Variants in ZNF804A observed in about 807,000 individuals in gnomAD.
The protein encoded by ZNF804A is zinc finger protein 804A.
ZNF804A carries 2 observed loss-of-function variants against 16.5 expected under a neutral mutation model. The observed-to-expected ratio is 0.12, with a 90% confidence interval of 0.05 to 0.38. The LOEUF is 0.38. Ranked by LOEUF, ZNF804A falls within the 10% of genes least tolerant of loss-of-function variation. The pLI is 0.99. For missense variants in ZNF804A, 1,473 were observed against 1,390.7 expected, an observed-to-expected ratio of 1.06 and a Z score of -0.94; for synonymous variants, 534 against 489.6, an observed-to-expected ratio of 1.09 and a Z score of -1.20.
chr2:184,659,169 C>T (rs1408128547), intron 1 of ZNF804A, among the ~76,000 whole-genome samples: 1 of 152,038 alleles, frequency 6.6e-6, no homozygotes, highest in Non-Finnish European at 1.5e-5. Context: ...TTGAAACAGG[C>T]AAAAAATAAG....
rs765963681 is a variant in ZNF804A, at chr2:184,936,136, G to A, written c.740G>A (p.Ser247Asn). Reference protein sequence around the residue: ...SDDASVGKGFSRKSRFVPSAC... With the variant: ...SDDASVGKGFNRKSRFVPSAC... ...GATGCCTCAGTGGGAAAAGGATTTA[G>A]CAGAAAAAGTAGATTTGTCCCCAGT... Residue 247 changes from serine (S) to asparagine (N), a missense_variant, in exon 4 of 4, where the codon AGC becomes AAC. Physicochemically the swap from Ser to Asn is conservative, Grantham distance 46. Coordinates refer to ENST00000302277, the MANE Select transcript of ZNF804A (RefSeq NM_194250.2). 1.2e-6 allele frequency: 2 copies of A among 1,614,022 alleles called. No individual in the cohort carries two copies. Among genetic ancestry groups the A allele is most frequent in the South Asian group, 1.1e-5 (1 of 91,076 alleles).
At position 184,794,223 on chromosome 2, in the gene ZNF804A, G is replaced by A. The variant is rs112294500; in HGVS notation, c.112-72146G>A. 7.5e-3 allele frequency among the ~76,000 whole-genome samples: 1,147 copies of A among 152,016 alleles called. 11 individuals carry two copies. Among genetic ancestry groups the A allele is most frequent in the African/African-American group, 0.026 (1,085 of 41,504 alleles). ...AGTATTCCCTTTTCACTGCATCCAC[G>A]TCAACATCTAAATTTTTAATTTTTT... On this transcript the variant is annotated intron_variant, in intron 1 of 3. Coordinates refer to ENST00000302277, the MANE Select transcript of ZNF804A (RefSeq NM_194250.2).
intron 1 of ZNF804A, among the ~76,000 whole-genome samples, chr2:184,699,468 G>A (rs982483097): frequency 1.3e-5 from 2 of 152,104 alleles, no homozygotes; most frequent in African/African-American, 4.8e-5. Context: ...CATAGAAGAT[G>A]ACCAAAGCTG....
intron 1 of ZNF804A, among the ~76,000 whole-genome samples, chr2:184,639,710 T>C (rs1342603979): frequency 6.6e-6 from 1 of 151,922 alleles, no homozygotes; most frequent in Non-Finnish European, 1.5e-5. Flanking sequence ...GATAGGAAAA[T>C]AGAGATCAAG....
chr2:184,687,944 C>T (rs930868951), intron 1 of ZNF804A, among the ~76,000 whole-genome samples: 4 of 152,044 alleles, frequency 2.6e-5, no homozygotes, highest in African/African-American at 7.3e-5. Flanking sequence ...TATGGTGAAA[C>T]CCCGTCTCTA....
chr2:184,730,318 A>C lies in ZNF804A; in HGVS notation c.111+131248A>C, dbSNP rs188451886. ...TCCCTGTGTATCCATAATTTATTTCATTATCAACAACCCCTACCAGAGTAG... is the reference window on the plus strand; with the variant it reads ...TCCCTGTGTATCCATAATTTATTTCCTTATCAACAACCCCTACCAGAGTAG... On this transcript the variant is annotated intron_variant, in intron 1 of 3. Coordinates refer to ENST00000302277, the MANE Select transcript of ZNF804A (RefSeq NM_194250.2). Among the ~76,000 whole-genome samples the C allele has an allele frequency of 2.0e-3, 305 of 151,558 alleles. 1 individual carries two copies. The highest frequency in any genetic ancestry group is 7.1e-3 in the African/African-American group (293 of 41,496).
chr2:184,777,915 T>C (rs114077884), intron 1 of ZNF804A, among the ~76,000 whole-genome samples: 1 of 151,602 alleles, frequency 6.6e-6, no homozygotes, highest in Non-Finnish European at 1.5e-5. Context: ...CTAAATTAGG[T>C]GAGTATCAAA....
At chr2:184,794,038 G>A (rs1057446439) in intron 1 of ZNF804A, among the ~76,000 whole-genome samples, 22 of 152,050 alleles carry the variant, frequency 1.4e-4, no homozygotes, top group African/African-American at 5.1e-4. Context: ...ACATGTGTGT[G>A]CAAGTATCTT....
chr2:184,762,509 T>C (rs1242778878), intron 1 of ZNF804A, among the ~76,000 whole-genome samples: 1 of 151,908 alleles, frequency 6.6e-6, no homozygotes. Context: ...TCTTTTTAAA[T>C]GGCAAATATT....
At chr2:184,716,816 C>T (rs1190922381) in intron 1 of ZNF804A, among the ~76,000 whole-genome samples, 1 of 152,102 alleles carries the variant, frequency 6.6e-6, no homozygotes, top group Non-Finnish European at 1.5e-5. Context: ...AGTTTGTGAA[C>T]ATGAATGTAA....
At chr2:184,888,356 T>G (rs1684928854) in intron 2 of ZNF804A, among the ~76,000 whole-genome samples, 1 of 152,168 alleles carries the variant, frequency 6.6e-6, no homozygotes, top group African/African-American at 2.4e-5. Flanking sequence ...TCCTAGGTTT[T>G]GAAAATCAAA....
intron 2 of ZNF804A, among the ~76,000 whole-genome samples, chr2:184,896,599 T>C (rs955526338): frequency 1.3e-5 from 2 of 152,074 alleles, no homozygotes; most frequent in Non-Finnish European, 2.9e-5. Flanking sequence ...AGGATTGGCC[T>C]GAATTTTCTT....
intron 1 of ZNF804A, among the ~76,000 whole-genome samples, chr2:184,747,505 C>T (rs946685208): frequency 6.6e-6 from 1 of 150,884 alleles, no homozygotes; most frequent in African/African-American, 2.4e-5. Flanking sequence ...AAATTGATCA[C>T]ACCGTTATGT....
At chr2:184,786,820 T>C (rs1054887935) in intron 1 of ZNF804A, among the ~76,000 whole-genome samples, 1 of 152,004 alleles carries the variant, frequency 6.6e-6, no homozygotes, top group African/African-American at 2.4e-5. Flanking sequence ...AATGTATTTC[T>C]TTAGATTAAG....
chr2:184,644,130 G>GA (rs999676241), intron 1 of ZNF804A, among the ~76,000 whole-genome samples: 1 of 150,786 alleles, frequency 6.6e-6, no homozygotes, highest in African/African-American at 2.4e-5. Context: ...TCAACCTTCT[G>GA]AAAAAAAATA....
chr2:184,677,288 G>A (rs1046698353), intron 1 of ZNF804A, among the ~76,000 whole-genome samples: 12 of 151,782 alleles, frequency 7.9e-5, no homozygotes, highest in African/African-American at 2.2e-4. Flanking sequence ...GTTGATTGTC[G>A]TCATCACATC....
At position 184,832,634 on chromosome 2, in the gene ZNF804A, A is replaced by AT. The variant is rs201850709; in HGVS notation, c.112-33727dup. 1.7e-3 allele frequency among the ~76,000 whole-genome samples: 252 copies of AT among 151,546 alleles called. 1 individual carries two copies. Among genetic ancestry groups the AT allele is most frequent in the African/African-American group, 5.7e-3 (235 of 41,404 alleles). On this transcript the variant is annotated intron_variant, in intron 1 of 3. Transcript: ENST00000302277. ...ATTAATTTATGAAAGATCTTCTCTT[A>AT]TTTTTTTTATACTTTTCATTCTTAA...
chr2:184,718,502 G>A (rs1452058242), intron 1 of ZNF804A, among the ~76,000 whole-genome samples: 3 of 152,114 alleles, frequency 2.0e-5, no homozygotes, highest in African/African-American at 2.4e-5. Flanking sequence ...TTCTACCTAT[G>A]AGCCTATGAA....
intron 2 of ZNF804A, among the ~76,000 whole-genome samples, chr2:184,879,990 C>T (rs1279723495): frequency 6.6e-6 from 1 of 151,898 alleles, no homozygotes; most frequent in African/African-American, 2.4e-5. Context: ...ACCTTCTTAT[C>T]AAAAATGTAG....
Sources: gnomAD v4.1 joint callset for allele counts (sites outside exome capture counted in the v4.1 genomes callset) on GRCh38, gnomAD v4.1.1 for gene constraint, MANE v1.5 for transcripts, NCBI Gene and HGNC (gene_info 2026-07-23, HGNC 2026-07-21) for gene names.